NDST3: variants seen among roughly 807,000 people sequenced by gnomAD.
NDST3 encodes N-deacetylase and N-sulfotransferase 3.
In NDST3, 58 loss-of-function variants were observed where a neutral mutation model predicts 96.1. That is an observed-to-expected ratio of 0.60 (90% CI 0.49 to 0.75). The LOEUF (loss-of-function observed/expected upper bound fraction) is 0.75, where lower values mean the gene tolerates loss of function less well. Ranked by LOEUF, NDST3 falls within the 30% of genes least tolerant of loss-of-function variation. NDST3 has a pLI of 0.00. For missense variants in NDST3, 788 were observed against 1,034.2 expected, an observed-to-expected ratio of 0.76 and a Z score of 3.27; for synonymous variants, 333 against 359.7, an observed-to-expected ratio of 0.93 and a Z score of 0.84.
chr4:118,242,374 G>T (rs921224730), intron 12 of NDST3, among the ~76,000 whole-genome samples: 5 of 151,834 alleles, frequency 3.3e-5, no homozygotes, highest in Non-Finnish European at 7.4e-5. Flanking sequence ...TGAAAGGAAA[G>T]TAGAGAAATA....
chr4:118,251,231 A>C (rs1741711484), intron 12 of NDST3, among the ~76,000 whole-genome samples: 5 of 147,492 alleles, frequency 3.4e-5, no homozygotes. Flanking sequence ...GGTTCACGCC[A>C]TTCTCCTGCC....
intron 12 of NDST3, 39 bp downstream of exon 12, chr4:118,242,188 A>G: frequency 7.2e-7 from 1 of 1,387,834 alleles, no homozygotes; most frequent in Non-Finnish European, 1.0e-6. Context: ...ACATTTCAGC[A>G]GAGAATTGAT....
At chr4:118,224,074 G>A (rs2030633) in intron 6 of NDST3, among the ~76,000 whole-genome samples, 25,788 of 152,052 alleles carry the variant, frequency 0.17, 2,335 homozygotes, top group South Asian at 0.23. Context: ...TCCATAGGAA[G>A]AGTCAATTTT....
chr4:118,162,911 A>G (rs1735272370), intron 6 of NDST3, among the ~76,000 whole-genome samples: 1 of 147,434 alleles, frequency 6.8e-6, no homozygotes, highest in South Asian at 2.2e-4. Context: ...CAAGAAAAAA[A>G]CAAACAACCC....
chr4:118,195,982 T>A (rs1370279451), intron 6 of NDST3, among the ~76,000 whole-genome samples: 1 of 152,194 alleles, frequency 6.6e-6, no homozygotes, highest in East Asian at 1.9e-4. Flanking sequence ...TAGCTATGGG[T>A]CTGTCACATA....
At chr4:118,157,624 G>C (rs1015383272) in intron 6 of NDST3, among the ~76,000 whole-genome samples, 1 of 151,902 alleles carries the variant, frequency 6.6e-6, no homozygotes, top group African/African-American at 2.4e-5. Flanking sequence ...GGGTCTCACT[G>C]TGTTAGCCAG....
chr4:118,200,773 AT>A (rs1738024205), intron 6 of NDST3, among the ~76,000 whole-genome samples: 2 of 151,796 alleles, frequency 1.3e-5, no homozygotes, highest in African/African-American at 4.8e-5. Flanking sequence ...GGAAAGCTTC[AT>A]TTTCTTTTCT....
At chr4:118,120,132 G>T (rs905193427) in intron 4 of NDST3, among the ~76,000 whole-genome samples, 1 of 152,000 alleles carries the variant, frequency 6.6e-6, no homozygotes, top group African/African-American at 2.4e-5. Flanking sequence ...AAAAGTAAAC[G>T]TTTCTTCTAG....
intron 6 of NDST3, among the ~76,000 whole-genome samples, chr4:118,205,794 C>G (rs1004245267): frequency 1.5e-4 from 21 of 140,924 alleles, no homozygotes; most frequent in African/African-American, 5.5e-4. Context: ...TAGGTGATGA[C>G]AGTACAAATA....
intron 9 of NDST3, 95 bp downstream of exon 9, chr4:118,233,230 CAAATA>C: frequency 5.3e-6 from 6 of 1,132,838 alleles, no homozygotes; most frequent in Non-Finnish European, 7.0e-6. Context: ...TTTGTAGTCA[CAAATA>C]AAATTTAACC....
At chr4:118,137,320 T>G (rs1427600977) in intron 4 of NDST3, among the ~76,000 whole-genome samples, 1 of 152,174 alleles carries the variant, frequency 6.6e-6, no homozygotes, top group African/African-American at 2.4e-5. Context: ...ACGTTTCATT[T>G]TGTATTACTG....
chr4:118,212,969 T>C (rs78277533), intron 6 of NDST3, among the ~76,000 whole-genome samples: 4,229 of 152,332 alleles, frequency 0.028, 90 homozygotes, highest in Middle Eastern at 0.054. Flanking sequence ...CACATGTAAT[T>C]CATCTGGAGC....
At chr4:118,045,728 A>G (rs547007513) in intron 1 of NDST3, among the ~76,000 whole-genome samples, 4 of 152,190 alleles carry the variant, frequency 2.6e-5, no homozygotes, top group Non-Finnish European at 5.9e-5. Flanking sequence ...AGAGGCCCAA[A>G]TGACACAATA....
intron 6 of NDST3, among the ~76,000 whole-genome samples, chr4:118,188,615 G>T (rs1737118308): frequency 6.6e-6 from 1 of 152,116 alleles, no homozygotes; most frequent in South Asian, 2.1e-4. Context: ...GAAAATCTGA[G>T]AAAGTATTTT....
intron 6 of NDST3, among the ~76,000 whole-genome samples, chr4:118,153,397 C>T (rs1365019229): frequency 6.6e-6 from 1 of 152,110 alleles, no homozygotes; most frequent in Non-Finnish European, 1.5e-5. Flanking sequence ...AATGAATGAA[C>T]TTAAATGTCC....
chr4:118,117,492 CTT>C (rs1255712708), intron 4 of NDST3, among the ~76,000 whole-genome samples: 1 of 152,062 alleles, frequency 6.6e-6, no homozygotes. Flanking sequence ...TGTGTTAACT[CTT>C]TTACTTTCCA....
At chr4:118,230,211 A>G (rs962817265) in intron 8 of NDST3, among the ~76,000 whole-genome samples, 6 of 152,188 alleles carry the variant, frequency 3.9e-5, no homozygotes, top group African/African-American at 1.4e-4. Flanking sequence ...ATTGCTTCAT[A>G]GTTATTCTAA....
chr4:118,142,460 A>C (rs1733640016), intron 5 of NDST3, among the ~76,000 whole-genome samples: 1 of 151,896 alleles, frequency 6.6e-6, no homozygotes, highest in African/African-American at 2.4e-5. Flanking sequence ...AAATAAAAAT[A>C]AAATAAAATA....
In NDST3 at chr4:118,046,672, T is replaced by C. The variant is rs549104319; in HGVS notation, c.-155-7084T>C. Among the ~76,000 whole-genome samples the C allele has an allele frequency of 1.1e-4, 16 of 152,242 alleles. No individual in the cohort carries two copies. In the East Asian group the frequency reaches 3.1e-3, roughly 30 times the overall value. ...CACCCAGAATCCAACTCCAAGTACC[T>C]GAAGGATGGAGCCCCAATTCCATCC... On this transcript the variant is annotated intron_variant, in intron 1 of 13. Coordinates refer to ENST00000296499, the MANE Select transcript of NDST3 (RefSeq NM_004784.3).
Sources: gnomAD v4.1 joint callset for allele counts (sites outside exome capture counted in the v4.1 genomes callset) on GRCh38, gnomAD v4.1.1 for gene constraint, MANE v1.5 for transcripts, NCBI Gene and HGNC (gene_info 2026-07-23, HGNC 2026-07-21) for gene names.